The following GRHL3 variants were observed in gnomAD, a reference collection of about 807,000 sequenced individuals.
GRHL3 encodes the protein grainyhead-like protein 3 homolog.
GRHL3 carries 20 observed loss-of-function variants against 70.3 expected under a neutral mutation model. That is an observed-to-expected ratio of 0.28 (90% CI 0.20 to 0.41). GRHL3 has a LOEUF of 0.41. Ranked by LOEUF, GRHL3 falls within the 10% of genes least tolerant of loss-of-function variation. GRHL3 has a pLI of 1.00. For synonymous variants in GRHL3, 299 were observed against 299.9 expected (o/e 1.00, Z 0.03); for missense variants, 637 against 762.3 (o/e 0.84, Z 1.94).
Position 24,342,745 on chromosome 1 carries a change from G to A in GRHL3, c.1258G>A (p.Val420Ile), listed in dbSNP as rs1349102768. Residue 420 changes from valine (V) to isoleucine (I), a missense_variant, in exon 10 of 16, where the codon GTC (valine) becomes ATC (isoleucine). Transcript: ENST00000361548. This position sits in a 1 kb window ranked among gnomAD's most constrained non-coding sequence, Gnocchi z 4.8. The part of the protein sequence containing the change: ...DDERKQFRRK[V>I]KCPDSSNSGV... Reference sequence around the variant, plus strand: ...CGAGCGGAAGCAGTTCCGGAGGAAGGTCAAGTGCCCTGACTCCAGCAACAG... The same window carrying A: ...CGAGCGGAAGCAGTTCCGGAGGAAGATCAAGTGCCCTGACTCCAGCAACAG... The A allele has an allele frequency of 1.2e-6, 2 of 1,614,222 alleles. No homozygotes were observed. Among genetic ancestry groups the A allele is most frequent in the South Asian group, 1.1e-5 (1 of 91,084 alleles).
chr1:24,334,594 C>T lies in GRHL3; in HGVS notation c.205-51C>T, dbSNP rs1163465725. The T allele has an allele frequency of 1.3e-6, 2 of 1,502,154 alleles. No individual in the cohort carries two copies. The highest frequency in any genetic ancestry group is 1.8e-6 in the Non-Finnish European group (2 of 1,083,590). 93.1% of individuals were successfully genotyped at this position (1,502,154 alleles called of 1,614,324 possible). A position where few individuals can be genotyped will look rare whatever the true frequency, so the allele number is the denominator to read the frequency against. ...AAGCTGCAGGAGGGGATTGAGGCTC[C>T]TACCAGCAGAAGCTTAGCCATGCAT... On this transcript the variant is annotated intron_variant, in intron 2 of 15. Transcript: ENST00000361548. This position sits in a 1 kb window ranked among gnomAD's most constrained non-coding sequence, Gnocchi z 4.3.
intron 3 of GRHL3, among the ~76,000 whole-genome samples, 161 bp from the exon 4 acceptor site, chr1:24,336,321 T>C (rs112368919): frequency 1.1e-3 from 165 of 152,216 alleles, no homozygotes; most frequent in Non-Finnish European, 2.0e-3. Context: ...CTCATCCCTG[T>C]GGCCAATTGG....
At chr1:24,337,500 G>C in intron 5 of GRHL3, 136 bp from the exon 6 acceptor site, 1 of 892,712 alleles carries the variant, frequency 1.1e-6, no homozygotes, top group South Asian at 1.7e-5. Context: ...GGAAACTGGG[G>C]CCCAAGGAAG....
intron 1 of GRHL3, chr1:24,323,033 A>C (rs1639259987): frequency 2.0e-6 from 3 of 1,537,342 alleles, no homozygotes; most frequent in Non-Finnish European, 2.6e-6. Flanking sequence ...CTCTGAAAAG[A>C]AGACAGAGGA....
chr1:24,325,003 G>A (rs930105170), intron 1 of GRHL3, among the ~76,000 whole-genome samples: 6 of 152,290 alleles, frequency 3.9e-5, no homozygotes, highest in South Asian at 4.1e-4. Context: ...CGCCCCTGTC[G>A]TGCCCAGGGA....
Position 24,337,718 on chromosome 1 carries a change from C to A in GRHL3, c.769C>A (p.Gln257Lys). 1 of 1,614,218 alleles carries A rather than the reference C, an allele frequency of 6.2e-7. No individual in the cohort carries two copies. Among genetic ancestry groups the A allele is most frequent in the South Asian group, 1.1e-5 (1 of 91,082 alleles). ...ESPMAYLNKG[Q>K]FYPVTLRTPA... ...ACCCATGGCCTACCTCAACAAAGGC[C>A]AGTTCTACCCCGTCACCCTGCGGAC... The change falls in exon 6 of 16, where the codon CAG (glutamine) becomes AAG (lysine). Residue 257 changes from glutamine to lysine, a missense_variant. By Grantham distance (53) the Gln-to-Lys change is moderately conservative. This residue lies in a region of GRHL3 where 387 missense variants were observed against 513.8 expected (regional missense o/e 0.75). Coordinates refer to ENST00000361548, the MANE Select transcript of GRHL3 (RefSeq NM_198173.3).
At chr1:24,343,153 C>T (rs1422650748) in intron 11 of GRHL3, 128 bp downstream of exon 11, 1 of 1,023,306 alleles carries the variant, frequency 9.8e-7, no homozygotes, top group Non-Finnish European at 1.5e-6. Flanking sequence ...TTTATTGAAT[C>T]ATAGGGGTTT....
intron 15 of GRHL3, among the ~76,000 whole-genome samples, chr1:24,361,889 C>A (rs986610741): frequency 6.6e-6 from 1 of 152,292 alleles, no homozygotes; most frequent in South Asian, 2.1e-4. Flanking sequence ...GAGGTCCCTT[C>A]CTGCTGTGAC....
At chr1:24,327,732 C>A (rs1464932664) in intron 1 of GRHL3, among the ~76,000 whole-genome samples, 1 of 152,184 alleles carries the variant, frequency 6.6e-6, no homozygotes, top group African/African-American at 2.4e-5. Context: ...TTCTTCTGGC[C>A]CTATCACCCA....
In GRHL3 at chr1:24,322,998, C is replaced by T. The variant is rs1478366101; in HGVS notation, c.17+3430C>T. On this transcript the variant is annotated intron_variant, in intron 1 of 15. Transcript: ENST00000361548. This position sits in a 1 kb window ranked among gnomAD's most constrained non-coding sequence, Gnocchi z 4.4. ...CGGGTCTTAGCCGAGCAGCCATAGGCCACCCCGCTTCCTCTGTGCTTAGCC... is the reference window on the plus strand; with the variant it reads ...CGGGTCTTAGCCGAGCAGCCATAGGTCACCCCGCTTCCTCTGTGCTTAGCC... The T allele has an allele frequency of 3.9e-6, 5 of 1,294,988 alleles. No individual in the cohort carries two copies. The highest frequency in any genetic ancestry group is 5.5e-6 in the Non-Finnish European group (5 of 916,862). 80.2% of individuals were successfully genotyped at this position (1,294,988 alleles called of 1,614,324 possible).
At chr1:24,329,924 C>A (rs1240690505) in intron 1 of GRHL3, among the ~76,000 whole-genome samples, 1 of 152,174 alleles carries the variant, frequency 6.6e-6, no homozygotes, top group Non-Finnish European at 1.5e-5. Context: ...AGAGCATGTG[C>A]AATAACCAGT....
In GRHL3 at chr1:24,334,743, C is replaced by T; in HGVS notation, c.266+37C>T. The T allele has an allele frequency of 6.4e-7, 1 of 1,559,890 alleles. No homozygotes were observed. The highest frequency in any genetic ancestry group is 1.2e-5 in the South Asian group (1 of 86,860). On this transcript the variant is annotated intron_variant, in intron 3 of 15. Coordinates refer to ENST00000361548, the MANE Select transcript of GRHL3 (RefSeq NM_198173.3). This position sits in a 1 kb window ranked among gnomAD's most constrained non-coding sequence, Gnocchi z 4.3. The stretch of plus-strand genomic sequence containing the variant: ...CAACACCCTCTGCCTCTTTGCCCTT[C>T]CCCACCTCCACCTGGAGCCTCTTCC...
chr1:24,359,065 A>C (rs1183455595), downstream of GRHL3, among the ~76,000 whole-genome samples: 1 of 152,170 alleles, frequency 6.6e-6, no homozygotes, highest in Non-Finnish European at 1.5e-5. This position sits in a 1 kb window ranked among gnomAD's most constrained non-coding sequence, Gnocchi z 5.3. Flanking sequence ...CCAGAAACTC[A>C]TGTTGATACT....
chr1:24,331,830 G>C (rs1639627366), intron 2 of GRHL3, among the ~76,000 whole-genome samples: 3 of 152,192 alleles, frequency 2.0e-5, no homozygotes, highest in African/African-American at 4.8e-5. Context: ...ATTCACTGGA[G>C]AGGAGGCTTT....
intron 15 of GRHL3, among the ~76,000 whole-genome samples, chr1:24,362,948 C>T (rs1482893105): frequency 6.6e-6 from 1 of 152,210 alleles, no homozygotes; most frequent in East Asian, 1.9e-4. Flanking sequence ...TAAATAAAAG[C>T]TGGCTTCTCC....
chr1:24,348,635 T>C (rs1264904442), intron 14 of GRHL3, among the ~76,000 whole-genome samples: 1 of 152,188 alleles, frequency 6.6e-6, no homozygotes, highest in African/African-American at 2.4e-5. Context: ...CCCGTGTACC[T>C]CCAGGAATGG....
chr1:24,347,897 GCTCT>G, intron 14 of GRHL3, among the ~76,000 whole-genome samples: 1 of 152,238 alleles, frequency 6.6e-6, no homozygotes, highest in South Asian at 2.1e-4. Flanking sequence ...CCCCAGAGAC[GCTCT>G]CTTTTTCTTT....
chr1:24,364,048 C>T (rs971449572), intron 15 of GRHL3: 129 of 1,290,518 alleles, frequency 1.0e-4, no homozygotes, highest in Non-Finnish European at 1.3e-4. Flanking sequence ...CTGCTGCTTC[C>T]GTTTTACCTT....
chr1:24,343,973 G>A (rs373881371), intron 11 of GRHL3, among the ~76,000 whole-genome samples: 3 of 152,196 alleles, frequency 2.0e-5, no homozygotes, highest in East Asian at 3.9e-4. Context: ...GAGCTGCGCT[G>A]TGGCCCCGCA....
Sources: gnomAD v4.1 joint callset for allele counts (sites outside exome capture counted in the v4.1 genomes callset) on GRCh38, gnomAD v4.1.1 for gene constraint, gnomAD v4.1.1 regional missense constraint, Gnocchi (gnomAD v3.1) non-coding constraint, MANE v1.5 for transcripts, NCBI Gene and HGNC (gene_info 2026-07-23, HGNC 2026-07-21) for gene names.